CHST9: variants seen among roughly 807,000 people sequenced by gnomAD.
The protein encoded by CHST9 is GalNAc-4-sulfotransferase 2.
In CHST9, 41 loss-of-function variants were observed where a neutral mutation model predicts 44.4. The observed-to-expected ratio is 0.92, with a 90% CI of 0.72 to 1.20. CHST9 has a LOEUF of 1.20. Among genes scored for constraint, CHST9 ranks in the 50% most tolerant of loss-of-function variants. The pLI is 0.00. For missense variants in CHST9, 504 were observed against 516.5 expected (o/e 0.98, Z 0.23); for synonymous variants, 171 against 178.4 (o/e 0.96, Z 0.33).
intron 2 of CHST9, among the ~76,000 whole-genome samples, chr18:27,122,127 A>G (rs2058379617): frequency 6.6e-6 from 1 of 152,226 alleles, no homozygotes; most frequent in African/African-American, 2.4e-5. Context: ...TCTTTGTATT[A>G]TAATTACGGA....
At chr18:27,022,564 C>T (rs1447234380) in intron 4 of CHST9, among the ~76,000 whole-genome samples, 1 of 152,132 alleles carries the variant, frequency 6.6e-6, no homozygotes, top group Non-Finnish European at 1.5e-5. Context: ...TACACTACTC[C>T]CACATTCCCT....
chr18:26,932,274 C>A (rs1663971343), intron 5 of CHST9, among the ~76,000 whole-genome samples: 1 of 152,172 alleles, frequency 6.6e-6, no homozygotes, highest in Admixed American at 6.5e-5. Context: ...TAGCATAAAC[C>A]ACACAGAGAT....
intron 3 of CHST9, among the ~76,000 whole-genome samples, chr18:27,026,494 A>G (rs1256257798): frequency 6.6e-6 from 1 of 152,162 alleles, no homozygotes; most frequent in Non-Finnish European, 1.5e-5. Flanking sequence ...ATTGTCTCCT[A>G]AGGAAAAGTA....
intron 2 of CHST9, among the ~76,000 whole-genome samples, chr18:27,050,818 G>A (rs558521079): frequency 2.4e-4 from 36 of 152,136 alleles, no homozygotes; most frequent in African/African-American, 7.5e-4. Context: ...TAGAGGCCTC[G>A]GACATTTTCA....
chr18:27,027,376 C>T (rs1188550769), intron 3 of CHST9, among the ~76,000 whole-genome samples: 1 of 152,138 alleles, frequency 6.6e-6, no homozygotes, highest in African/African-American at 2.4e-5. Context: ...ATTTGATCAT[C>T]AATATCCTCT....
intron 1 of CHST9, among the ~76,000 whole-genome samples, chr18:27,148,877 G>C (rs1362120008): frequency 1.4e-5 from 2 of 140,546 alleles, no homozygotes; most frequent in African/African-American, 2.6e-5. Flanking sequence ...TCCATCAACA[G>C]TGTAAAAGTG....
chr18:27,000,362 A>G (rs2056934502), intron 4 of CHST9, among the ~76,000 whole-genome samples: 1 of 152,244 alleles, frequency 6.6e-6, no homozygotes, highest in South Asian at 2.1e-4. Flanking sequence ...CAAGAATAAC[A>G]AGATGAGTTA....
At chr18:26,944,244 AC>A in intron 5 of CHST9, 84 bp downstream of exon 5, 1 of 1,009,078 alleles carries the variant, frequency 9.9e-7, no homozygotes, top group Non-Finnish European at 1.6e-6. Context: ...AGCTAACATT[AC>A]CCCCTGCCTT....
chr18:26,990,533 T>A lies in CHST9; in HGVS notation c.202+33583A>T, dbSNP rs1169508790. The stretch of plus-strand genomic sequence containing the variant: ...ACTTCCAAAAATAATCTGTAGCCAA[T>A]GGCTTTTTGGTAGTGAGCCTTAAAA... On this transcript the variant is annotated intron_variant, in intron 4 of 5. Transcript: ENST00000618847. Among the ~76,000 whole-genome samples, 5 of 152,258 alleles carry A rather than the reference T, an allele frequency of 3.3e-5. No individual in the cohort carries two copies. In the East Asian group the frequency reaches 9.6e-4, roughly 29 times the overall value.
intron 5 of CHST9, among the ~76,000 whole-genome samples, chr18:26,928,555 C>T (rs1568095499): frequency 6.6e-6 from 1 of 152,086 alleles, no homozygotes; most frequent in Non-Finnish European, 1.5e-5. Context: ...GGGTTGAGAA[C>T]AAGTTATTAA....
At chr18:27,184,279 CAG>C (rs753831886) in intron 1 of CHST9, among the ~76,000 whole-genome samples, 2 of 152,026 alleles carry the variant, frequency 1.3e-5, no homozygotes, top group African/African-American at 4.8e-5. Context: ...GGGTGGACCG[CAG>C]AGAGAGAGAA....
chr18:26,922,645 A>ATTTG (rs1438993442), intron 5 of CHST9, among the ~76,000 whole-genome samples: 3 of 151,658 alleles, frequency 2.0e-5, no homozygotes, highest in Non-Finnish European at 4.4e-5. Context: ...TTATTTATTT[A>ATTTG]TTTATTTTGA....
At chr18:27,111,715 T>C (rs1215526217) in intron 2 of CHST9, among the ~76,000 whole-genome samples, 1 of 152,168 alleles carries the variant, frequency 6.6e-6, no homozygotes, top group African/African-American at 2.4e-5. Flanking sequence ...TGAAAGCATC[T>C]GTCAGAATGG....
chr18:27,014,655 A>T (rs760649130), intron 4 of CHST9, among the ~76,000 whole-genome samples: 7 of 152,128 alleles, frequency 4.6e-5, no homozygotes, highest in Non-Finnish European at 7.4e-5. Context: ...TGGAGGATTT[A>T]TATAAGAAAT....
chr18:26,940,994 AAGCTAAAAAG>A (rs2056074156), intron 5 of CHST9, among the ~76,000 whole-genome samples: 1 of 152,196 alleles, frequency 6.6e-6, no homozygotes, highest in Admixed American at 6.5e-5. Context: ...CAAGCACTAG[AAGCTAAAAAG>A]AGCAAGGAAG....
intron 2 of CHST9, among the ~76,000 whole-genome samples, chr18:27,099,089 A>G (rs1018928124): frequency 6.6e-6 from 1 of 152,158 alleles, no homozygotes; most frequent in African/African-American, 2.4e-5. Context: ...AAGCAATAGA[A>G]AGAACTCTCT....
At chr18:27,076,495 A>G (rs1298219356) in intron 2 of CHST9, among the ~76,000 whole-genome samples, 1 of 152,126 alleles carries the variant, frequency 6.6e-6, no homozygotes, top group Non-Finnish European at 1.5e-5. Context: ...ATCCTGGTAT[A>G]GGTGTGGGCC....
intron 3 of CHST9, among the ~76,000 whole-genome samples, chr18:27,034,976 T>A (rs1391183241): frequency 6.6e-6 from 1 of 152,194 alleles, no homozygotes; most frequent in Non-Finnish European, 1.5e-5. Flanking sequence ...GTTTAATATA[T>A]CTCTTTGAGA....
chr18:27,031,446 T>C (rs2057339668), intron 3 of CHST9, among the ~76,000 whole-genome samples: 2 of 152,144 alleles, frequency 1.3e-5, no homozygotes, highest in African/African-American at 4.8e-5. Context: ...TTTCTTTCTA[T>C]ATCTCATAAT....
Sources: gnomAD v4.1 joint callset for allele counts (sites outside exome capture counted in the v4.1 genomes callset) on GRCh38, gnomAD v4.1.1 for gene constraint, MANE v1.5 for transcripts, NCBI Gene and HGNC (gene_info 2026-07-23, HGNC 2026-07-21) for gene names.